Variants in AKNAD1 observed in about 807,000 individuals in gnomAD.
The protein encoded by AKNAD1 is AKNA domain containing 1, also known as protein AKNAD1.
A neutral mutation model predicts 90.8 loss-of-function variants in AKNAD1; 67 were observed. The observed-to-expected ratio is 0.74, with a 90% confidence interval of 0.61 to 0.90. AKNAD1 has a LOEUF of 0.90. Among genes scored for constraint, AKNAD1 ranks in the 40% least tolerant of loss-of-function variants. The probability of loss-of-function intolerance (pLI) is 0.00; values close to 1 mark genes in which losing one functional copy is unlikely to be tolerated. For synonymous variants in AKNAD1, 327 were observed against 341.4 expected (o/e 0.96, Z 0.46); for missense variants, 957 against 975.4 (o/e 0.98, Z 0.25).
intron 14 of AKNAD1, among the ~76,000 whole-genome samples, chr1:108,818,749 G>A (rs559123470): frequency 8.9e-4 from 136 of 152,090 alleles, no homozygotes; most frequent in African/African-American, 3.0e-3. Context: ...AATCACCTGA[G>A]GTCAAGAGTT....
At chr1:108,853,154 C>T (rs551908620) in intron 1 of AKNAD1, among the ~76,000 whole-genome samples, 9 of 69,492 alleles carry the variant, frequency 1.3e-4, no homozygotes, top group South Asian at 3.7e-4. Context: ...TTTTTTGAGA[C>T]GGAGTCTCGC....
intron 5 of AKNAD1, among the ~76,000 whole-genome samples, chr1:108,846,294 G>T (rs1664698528): frequency 6.6e-6 from 1 of 152,078 alleles, no homozygotes; most frequent in African/African-American, 2.4e-5. Flanking sequence ...GGTCAGCAGG[G>T]ATCCTCACAT....
intron 2 of AKNAD1, among the ~76,000 whole-genome samples, chr1:108,851,008 T>G (rs1664838641): frequency 1.3e-5 from 2 of 152,196 alleles, no homozygotes; most frequent in South Asian, 4.1e-4. Flanking sequence ...CGATCTTAAT[T>G]CCATTGGACT....
At chr1:108,848,412 C>T (rs951269503) in intron 5 of AKNAD1, among the ~76,000 whole-genome samples, 2 of 152,126 alleles carry the variant, frequency 1.3e-5, no homozygotes, top group Non-Finnish European at 2.9e-5. Flanking sequence ...ATTTTTATAA[C>T]CTGAATTCAC....
chr1:108,843,347 T>A, intron 5 of AKNAD1, 80 bp from the exon 6 acceptor site: 1 of 1,547,274 alleles, frequency 6.5e-7, no homozygotes, highest in Non-Finnish European at 8.8e-7. Context: ...AAAGCAGGTG[T>A]ACCCTACAGT....
chr1:108,827,407 G>T, intron 10 of AKNAD1, 105 bp from the exon 11 acceptor site: 1 of 819,280 alleles, frequency 1.2e-6, no homozygotes, highest in Non-Finnish European at 2.0e-6. Flanking sequence ...TTAGAGCCTG[G>T]AACAGTGTAG....
Position 108,852,714 on chromosome 1 carries a change from G to A in AKNAD1, c.-50C>T. 4.0e-6 allele frequency: 6 copies of A among 1,514,858 alleles called. No homozygotes were observed. The highest frequency in any genetic ancestry group is 5.3e-6 in the Non-Finnish European group (6 of 1,136,910). The allele number at this position is 1,514,858 out of a possible 1,614,324, so 93.8% of individuals were successfully genotyped here. On this transcript the variant is annotated 5_prime_UTR_variant, in exon 2 of 16. Coordinates refer to ENST00000370001, the MANE Select transcript of AKNAD1 (RefSeq NM_152763.5). ...TCCTCTGCCTCCTGAGCTGGCTGCT[G>A]TCAGTTGTAACAATAGCTCTGGTTC...
Position 108,823,373 on chromosome 1 carries a change from G to C in AKNAD1, c.2164C>G (p.Pro722Ala), listed in dbSNP as rs1202804445. ...HSLDESKNSS[P>A]SFLKPKRICS... ...GTCATGCAGGAGATGTACTTACAGG[G>C]TGAAGAGTTTTTACTTTCATCTAAA... Residue 722 changes from proline to alanine, a missense_variant, in exon 13 of 16, where the codon CCC becomes GCC. Pro to Ala is a conservative substitution (Grantham distance 27, BLOSUM62 -1). Coordinates refer to ENST00000370001, the MANE Select transcript of AKNAD1 (RefSeq NM_152763.5). The C allele has an allele frequency of 6.2e-7, 1 of 1,608,926 alleles. No homozygotes were observed. The highest frequency in any genetic ancestry group is 8.5e-7 in the Non-Finnish European group (1 of 1,175,326).
At position 108,816,045 on chromosome 1, in the gene AKNAD1, A is replaced by G. The variant is rs1356310861; in HGVS notation, c.*126T>C. ...AAGTACTTTGTGTTACCCATTTCTT[A>G]TGGTTTCTGTGTTTTCTCTAGAAAG... On this transcript the variant is annotated 3_prime_UTR_variant, in exon 16 of 16. Coordinates refer to ENST00000370001, the MANE Select transcript of AKNAD1 (RefSeq NM_152763.5). The G allele has an allele frequency of 3.9e-6, 4 of 1,015,470 alleles. No homozygotes were observed. Among genetic ancestry groups the G allele is most frequent in the Non-Finnish European group, 5.4e-6 (4 of 744,764 alleles). 62.9% of individuals were successfully genotyped at this position (1,015,470 alleles called of 1,614,324 possible).
chr1:108,819,919 CA>C (rs71591113), intron 14 of AKNAD1, among the ~76,000 whole-genome samples: 6,012 of 128,926 alleles, frequency 0.047, 184 homozygotes, highest in African/African-American at 0.092. Context: ...GAATTAACAG[CA>C]AAAAAAAAAA....
chr1:108,831,189 A>T (rs891444208), intron 9 of AKNAD1, among the ~76,000 whole-genome samples: 17 of 152,202 alleles, frequency 1.1e-4, no homozygotes, highest in Admixed American at 3.9e-4. Flanking sequence ...GTCCCTCTTT[A>T]ACACAAAACA....
In AKNAD1 at chr1:108,830,698, A is replaced by G. The variant is rs200960053; in HGVS notation, c.1747-48T>C. 2.6e-3 allele frequency: 4,085 copies of G among 1,589,278 alleles called. 16 individuals carry two copies. Among genetic ancestry groups the G allele is most frequent in the Non-Finnish European group, 3.0e-3 (3,523 of 1,158,314 alleles). On this transcript the variant is annotated intron_variant, in intron 9 of 15. Coordinates refer to ENST00000370001, the MANE Select transcript of AKNAD1 (RefSeq NM_152763.5). ...GGAGATGTGATAGAGGATGTGACTC[A>G]CGCCGCGGCTGCACACGCACAGCCC...
At chr1:108,834,198 G>T in intron 9 of AKNAD1, among the ~76,000 whole-genome samples, 1 of 152,120 alleles carries the variant, frequency 6.6e-6, no homozygotes, top group East Asian at 1.9e-4. Context: ...AGATCTGCAG[G>T]TGATTCATAG....
Position 108,830,596 on chromosome 1 carries a change from T to C in AKNAD1, c.1801A>G (p.Ser601Gly). ...RQDCAEMTAP[S>G]PSCAFCRRLL... ...CTGCGACAGAAGGCACAGCTCGGAC[T>C]GGGTGCCGTCATCTCTGCACAATCC... The change falls in exon 10 of 16, where the codon AGT becomes GGT. Residue 601 changes from serine to glycine, a missense_variant. Physicochemically the swap from Ser to Gly is moderately conservative, Grantham distance 56 (BLOSUM62 0). Transcript: ENST00000370001. The C allele has an allele frequency of 1.2e-6, 2 of 1,614,148 alleles. No homozygotes were observed. Among genetic ancestry groups the C allele is most frequent in the East Asian group, 2.2e-5 (1 of 44,882 alleles).
At chr1:108,842,256 A>G (rs1004764111) in intron 6 of AKNAD1, among the ~76,000 whole-genome samples, 2 of 152,236 alleles carry the variant, frequency 1.3e-5, no homozygotes, top group East Asian at 1.9e-4. Context: ...CTAGGGCTGA[A>G]ATGTAAACCA....
At chr1:108,832,373 A>G (rs1289207776) in intron 9 of AKNAD1, among the ~76,000 whole-genome samples, 1 of 151,724 alleles carries the variant, frequency 6.6e-6, no homozygotes, top group African/African-American at 2.4e-5. Flanking sequence ...ACAGGAACAC[A>G]CCACCCCACC....
Position 108,823,467 on chromosome 1 carries a change from A to G in AKNAD1, c.2070T>C (p.Tyr690=), listed in dbSNP as rs114454085. 4.4e-4 allele frequency: 709 copies of G among 1,613,868 alleles called. 1 individual carries two copies. The African/African-American group carries it at 8.4e-3, about 19-fold the overall frequency. ...AATTCTGTCCTGGAGTGTTGTATCT[A>G]TAATGAAATTCTGGGAAGAAAAGAT... ...CRKEPTKEFH[Y]RYNTPGQNYS... Residue 690 remains tyrosine, a synonymous_variant, in exon 13 of 16, where the codon TAT becomes TAC. Transcript: ENST00000370001.
chr1:108,846,651 T>A (rs1389623733), intron 5 of AKNAD1, among the ~76,000 whole-genome samples: 1 of 151,968 alleles, frequency 6.6e-6, no homozygotes, highest in Non-Finnish European at 1.5e-5. Context: ...CCCTCGAGTC[T>A]CTCCTGGGCC....
At chr1:108,825,696 AT>A (rs1365887502) in intron 11 of AKNAD1, among the ~76,000 whole-genome samples, 2 of 151,576 alleles carry the variant, frequency 1.3e-5, no homozygotes, top group Non-Finnish European at 2.9e-5. Context: ...ATTACTAGTC[AT>A]TTTTTGCTTG....
Sources: allele counts gnomAD v4.1 joint callset (sites outside exome capture counted in the v4.1 genomes callset), GRCh38; gene constraint gnomAD v4.1.1; transcripts MANE v1.5; gene names NCBI Gene and HGNC (gene_info 2026-07-23, HGNC 2026-07-21).